PRRX1: variants seen among roughly 807,000 people sequenced by gnomAD.
PRRX1 encodes paired related homeobox 1, also known as paired mesoderm homeobox protein 1.
A neutral mutation model predicts 24.0 loss-of-function variants in PRRX1; 8 were observed. That is an observed-to-expected ratio of 0.33 (90% CI 0.20 to 0.60). The LOEUF is 0.60. Ranked by LOEUF, PRRX1 falls within the 20% of genes least tolerant of loss-of-function variation. PRRX1 has a pLI of 0.82. For synonymous variants in PRRX1, 160 were observed against 131.7 expected, an observed-to-expected ratio of 1.22 and a Z score of -1.47; for missense variants, 281 against 322.4, an observed-to-expected ratio of 0.87 and a Z score of 0.98.
At chr1:170,728,079 C>A (rs183420647) in intron 3 of PRRX1, 3 of 152,266 alleles carry the variant, frequency 2.0e-5, no homozygotes, top group Non-Finnish European at 4.4e-5. Flanking sequence ...GGAAGTATTG[C>A]CCCTTTTTCT....
intron 1 of PRRX1, among the ~76,000 whole-genome samples, chr1:170,693,926 A>G (rs1654074221): frequency 6.6e-6 from 1 of 152,058 alleles, no homozygotes; most frequent in African/African-American, 2.4e-5. Flanking sequence ...CAATAATTCC[A>G]TCTTATTTAT....
intron 2 of PRRX1, among the ~76,000 whole-genome samples, chr1:170,721,759 C>T (rs925604566): frequency 6.6e-6 from 1 of 152,056 alleles, no homozygotes; most frequent in Non-Finnish European, 1.5e-5. Context: ...CTTCCCACAC[C>T]CTCTTCCTCA....
Position 170,738,050 on chromosome 1 carries a change from A to AATCAC in PRRX1, c.*1869_*1873dup. 1 of 217,660 alleles carries AATCAC rather than the reference A, an allele frequency of 4.6e-6. No homozygotes were observed. The highest frequency in any genetic ancestry group is 9.3e-6 in the Non-Finnish European group (1 of 107,886). The allele number at this position is 217,660 out of a possible 1,614,324, so 13.5% of individuals were successfully genotyped here. A position where few individuals can be genotyped will look rare whatever the true frequency, so the allele number is the denominator to read the frequency against. ...GGTTTATATTTTCAGATCTCTCAAA[A>AATCAC]ATCACATCATTTGACCAAAGAATAA... is the stretch of plus-strand genomic sequence containing the variant. On this transcript the variant is annotated 3_prime_UTR_variant, in exon 4 of 4. Transcript: ENST00000239461.
chr1:170,704,578 C>T (rs1035671890), intron 1 of PRRX1, among the ~76,000 whole-genome samples: 1 of 152,150 alleles, frequency 6.6e-6, no homozygotes, highest in South Asian at 2.1e-4. Context: ...CTTAAAGGAA[C>T]CTTGAGAAGC....
intron 1 of PRRX1, among the ~76,000 whole-genome samples, chr1:170,677,617 T>C (rs1020277464): frequency 6.6e-6 from 1 of 152,238 alleles, no homozygotes. Flanking sequence ...ATGTCACTTA[T>C]TGAGTCTATT....
At chr1:170,735,093 T>C (rs553425533) in intron 3 of PRRX1, among the ~76,000 whole-genome samples, 71 of 152,214 alleles carry the variant, frequency 4.7e-4, no homozygotes, top group Non-Finnish European at 7.6e-4. Flanking sequence ...AAAATATGTA[T>C]ACTTTTAACT....
intron 1 of PRRX1, chr1:170,669,443 A>AAAAAAAAAAAC (rs1653066968): frequency 6.8e-6 from 1 of 146,394 alleles, no homozygotes; most frequent in African/African-American, 2.6e-5. Context: ...AAAAAAAAAA[A>AAAAAAAAAAAC]AAAAAAAAAA....
chr1:170,713,267 C>A (rs940416581), intron 1 of PRRX1, among the ~76,000 whole-genome samples: 3 of 152,098 alleles, frequency 2.0e-5, no homozygotes. Context: ...AAAATGCCCA[C>A]ATAATGCGGT....
chr1:170,705,637 A>G (rs1465858913), intron 1 of PRRX1, among the ~76,000 whole-genome samples: 1 of 152,130 alleles, frequency 6.6e-6, no homozygotes, highest in Non-Finnish European at 1.5e-5. Flanking sequence ...TTCAGCAGGC[A>G]GTGATATCAT....
chr1:170,736,575 G>A lies in PRRX1; in HGVS notation c.*389G>A, dbSNP rs967938024. ...ATATATATATATATATATATATCCA[G>A]AATGATTGCCTCTACTGTCCTCATT... On this transcript the variant is annotated 3_prime_UTR_variant, in exon 4 of 4. Coordinates refer to ENST00000239461, the MANE Select transcript of PRRX1 (RefSeq NM_022716.4). The A allele has an allele frequency of 2.2e-4, 52 of 233,988 alleles. No homozygotes were observed. Among genetic ancestry groups the A allele is most frequent in the African/African-American group, 1.2e-3 (48 of 41,544 alleles). The allele number at this position is 233,988 out of a possible 1,614,324, so 14.5% of individuals were successfully genotyped here.
intron 1 of PRRX1, chr1:170,668,268 T>A (rs1049618691): frequency 6.6e-6 from 1 of 152,176 alleles, no homozygotes; most frequent in Admixed American, 6.5e-5. Flanking sequence ...CCTACTTCAA[T>A]GAGGACAGTG....
At chr1:170,664,819 G>T (rs539465369) in intron 1 of PRRX1, among the ~76,000 whole-genome samples, 1 of 152,230 alleles carries the variant, frequency 6.6e-6, no homozygotes, top group Non-Finnish European at 1.5e-5. Flanking sequence ...AGGTCTTAGC[G>T]GGGTGCAAAC....
At position 170,738,527 on chromosome 1, in the gene PRRX1, GT is replaced by G. The variant is rs1243809433; in HGVS notation, c.*2343del. On this transcript the variant is annotated 3_prime_UTR_variant, in exon 4 of 4. Transcript: ENST00000239461. Reference sequence around the variant, plus strand: ...CCCCATTCATCCATTTGTCCCATTAGTTGCTGTGGATTATCAAGTTTTGAAG... The same window carrying G: ...CCCCATTCATCCATTTGTCCCATTAGTGCTGTGGATTATCAAGTTTTGAAG... 1 of 228,824 alleles carries G rather than the reference GT, an allele frequency of 4.4e-6. No individual in the cohort carries two copies. Among genetic ancestry groups the G allele is most frequent in the African/African-American group, 2.2e-5 (1 of 45,066 alleles). The allele number at this position is 228,824 out of a possible 1,614,324, so 14.2% of individuals were successfully genotyped here.
At chr1:170,691,878 A>G (rs115849994) in intron 1 of PRRX1, among the ~76,000 whole-genome samples, 429 of 152,202 alleles carry the variant, frequency 2.8e-3, no homozygotes, top group African/African-American at 9.7e-3. Flanking sequence ...TCAGAGCACT[A>G]TGGGGCCTTC....
Position 170,692,741 on chromosome 1 carries a change from T to TCTCTCA in PRRX1, c.242-26984_242-26983insTCTCAC, listed in dbSNP as rs372525166. On this transcript the variant is annotated intron_variant, in intron 1 of 3. Transcript: ENST00000239461. ...CTCTCTCTCTCTCTCTCTCTCTCTCTCACACACACACACACACACACAGAC... is the reference window on the plus strand; with the variant it reads ...CTCTCTCTCTCTCTCTCTCTCTCTCTCTCTCACACACACACACACACACACACAGAC... Among the ~76,000 whole-genome samples the TCTCTCA allele has an allele frequency of 6.6e-3, 918 of 139,524 alleles. 3 individuals carry two copies. Among genetic ancestry groups the TCTCTCA allele is most frequent in the South Asian group, 0.012 (53 of 4,260 alleles). The allele number at this position is 139,524 out of a possible 152,430, so 91.5% of individuals were successfully genotyped here. A position where few individuals can be genotyped will look rare whatever the true frequency, so the allele number is the denominator to read the frequency against.
In PRRX1 at chr1:170,736,758, G is replaced by T. The variant is rs866670303; in HGVS notation, c.*572G>T. On this transcript the variant is annotated 3_prime_UTR_variant, in exon 4 of 4. Coordinates refer to ENST00000239461, the MANE Select transcript of PRRX1 (RefSeq NM_022716.4). Reference sequence around the variant, plus strand: ...CTCCATCTTTGTTGGTCATGGTAAGGTTTTTCCATCAGCCTCTGAAAAAAT... The same window carrying T: ...CTCCATCTTTGTTGGTCATGGTAAGTTTTTTCCATCAGCCTCTGAAAAAAT... 5.3e-6 allele frequency: 1 copy of T among 190,288 alleles called. No homozygotes were observed. Among genetic ancestry groups the T allele is most frequent in the Non-Finnish European group, 1.1e-5 (1 of 90,644 alleles). 11.8% of individuals were successfully genotyped at this position (190,288 alleles called of 1,614,324 possible).
At chr1:170,716,681 A>C (rs972731791) in intron 1 of PRRX1, among the ~76,000 whole-genome samples, 1 of 152,234 alleles carries the variant, frequency 6.6e-6, no homozygotes, top group Admixed American at 6.5e-5. Flanking sequence ...GATGCATTCT[A>C]ATATCCAGTT....
intron 2 of PRRX1, among the ~76,000 whole-genome samples, chr1:170,724,823 G>T (rs878950022): frequency 6.6e-6 from 1 of 152,126 alleles, no homozygotes; most frequent in Non-Finnish European, 1.5e-5. Flanking sequence ...TGAACAATGT[G>T]AATGGTAATT....
chr1:170,726,499 C>T (rs1655260787), intron 3 of PRRX1, 98 bp downstream of exon 3: 1 of 1,387,780 alleles, frequency 7.2e-7, no homozygotes, highest in South Asian at 1.2e-5. Flanking sequence ...ACATTTCTTA[C>T]TGGGTTAATC....
Sources: allele counts gnomAD v4.1 joint callset (sites outside exome capture counted in the v4.1 genomes callset), GRCh38; gene constraint gnomAD v4.1.1; transcripts MANE v1.5; gene names NCBI Gene and HGNC (gene_info 2026-07-23, HGNC 2026-07-21).